DNAH9: variants seen among roughly 807,000 people sequenced by gnomAD.
DNAH9 encodes dynein axonemal heavy chain 9.
Under a neutral mutation model 471.6 loss-of-function variants are expected in DNAH9, and 345 were observed. The observed-to-expected ratio is 0.73, with a 90% CI of 0.67 to 0.80. The LOEUF is 0.80. DNAH9 is among the 30% of genes least tolerant of loss of function. The pLI is 0.00. For missense variants in DNAH9, 5,407 were observed against 5,609.2 expected (o/e 0.96, Z 1.15); for synonymous variants, 2,093 against 2,123.6 (o/e 0.99, Z 0.40).
intron 44 of DNAH9, among the ~76,000 whole-genome samples, chr17:11,808,390 T>C (rs1254187506): frequency 1.3e-5 from 2 of 152,084 alleles, no homozygotes; most frequent in African/African-American, 4.8e-5. Context: ...CCTTCAAAGG[T>C]CATTGTGTCC....
chr17:11,770,105 C>T (rs1968142308), intron 38 of DNAH9, among the ~76,000 whole-genome samples: 1 of 152,192 alleles, frequency 6.6e-6, no homozygotes, highest in African/African-American at 2.4e-5. Flanking sequence ...GGTGACACTG[C>T]AGTGCCTCCC....
intron 61 of DNAH9, among the ~76,000 whole-genome samples, chr17:11,908,869 G>A (rs1973693867): frequency 6.6e-6 from 1 of 152,174 alleles, no homozygotes; most frequent in Non-Finnish European, 1.5e-5. Flanking sequence ...ACCAGTGTCT[G>A]TCAAGATGGC....
intron 67 of DNAH9, among the ~76,000 whole-genome samples, chr17:11,953,547 C>T (rs1219696890): frequency 1.3e-5 from 2 of 152,118 alleles, no homozygotes; most frequent in African/African-American, 2.4e-5. Flanking sequence ...TGCGGTGGCT[C>T]ATGCCTGTAA....
intron 62 of DNAH9, 52 bp downstream of exon 62, chr17:11,923,993 C>A: frequency 6.3e-7 from 1 of 1,591,942 alleles, no homozygotes; most frequent in South Asian, 1.1e-5. Flanking sequence ...TTGCCTCATC[C>A]CACACTCACT....
At chr17:11,838,867 C>T (rs1717292550) in intron 49 of DNAH9, among the ~76,000 whole-genome samples, 1 of 152,202 alleles carries the variant, frequency 6.6e-6, no homozygotes, top group Admixed American at 6.5e-5. Flanking sequence ...CCCTTCTGCA[C>T]TCACAGGACT....
intron 23 of DNAH9, 134 bp from the exon 24 acceptor site, chr17:11,700,988 C>A (rs1032285302): frequency 5.7e-6 from 5 of 882,154 alleles, no homozygotes; most frequent in Non-Finnish European, 8.9e-6. Context: ...TCTGCACCTT[C>A]TGGCAGCCAC....
chr17:11,719,207 G>T (rs532628105), intron 26 of DNAH9, 127 bp from the exon 27 acceptor site: 3 of 890,586 alleles, frequency 3.4e-6, no homozygotes, highest in Non-Finnish European at 3.4e-6. Flanking sequence ...TGTGGGGAGC[G>T]GGAAAAAGGG....
intron 6 of DNAH9, among the ~76,000 whole-genome samples, chr17:11,625,193 C>T (rs1177189283): frequency 2.0e-5 from 3 of 152,114 alleles, no homozygotes; most frequent in Admixed American, 1.3e-4. Flanking sequence ...GCAGTAAGCA[C>T]CTTGGCGAGA....
At chr17:11,796,709 T>C (rs1969256034) in intron 42 of DNAH9, among the ~76,000 whole-genome samples, 1 of 152,214 alleles carries the variant, frequency 6.6e-6, no homozygotes, top group Admixed American at 6.5e-5. Flanking sequence ...CATAACTTCC[T>C]ATTTGTGTCT....
In DNAH9 at chr17:11,762,770, G is replaced by GTTTGTTTTTTTT. The variant is rs1193246497; in HGVS notation, c.6996-667_6996-666insGTTTTTTTTTTT. 5.2e-4 allele frequency among the ~76,000 whole-genome samples: 47 copies of GTTTGTTTTTTTT among 90,786 alleles called. 4 individuals are homozygous for GTTTGTTTTTTTT. Among genetic ancestry groups the GTTTGTTTTTTTT allele is most frequent in the South Asian group, 8.3e-4 (2 of 2,416 alleles). The allele number at this position is 90,786 out of a possible 152,430, so 59.6% of individuals were successfully genotyped here. ...CCTCTTTAGGTGCGTTTTTTTTTTT[G>GTTTGTTTTTTTT]TTTTTTTTTTTTTTTTTTTTTTTTT... On this transcript the variant is annotated intron_variant, in intron 35 of 68. Coordinates refer to ENST00000262442, the MANE Select transcript of DNAH9 (RefSeq NM_001372.4).
At chr17:11,737,860 C>A (rs1012058520) in intron 28 of DNAH9, among the ~76,000 whole-genome samples, 1 of 152,188 alleles carries the variant, frequency 6.6e-6, no homozygotes, top group Non-Finnish European at 1.5e-5. Flanking sequence ...TGGGGGATGG[C>A]TATGAGGAGT....
chr17:11,773,081 G>A (rs1238491456), intron 38 of DNAH9, among the ~76,000 whole-genome samples: 1 of 152,248 alleles, frequency 6.6e-6, no homozygotes, highest in Non-Finnish European at 1.5e-5. Context: ...TGGAGAATCA[G>A]CTGAATGTAA....
intron 31 of DNAH9, among the ~76,000 whole-genome samples, chr17:11,747,269 C>T (rs753229716): frequency 2.3e-4 from 35 of 152,184 alleles, no homozygotes; most frequent in Admixed American, 9.2e-4. Context: ...TTCTCCATCA[C>T]ACTATAAGAT....
rs114619119 is a variant in DNAH9 at position 11,890,222 on chromosome 17, C to T, written c.11113-1555C>T. Among the ~76,000 whole-genome samples, 759 of 152,186 alleles carry T rather than the reference C, an allele frequency of 5.0e-3. 7 individuals carry two copies. Among genetic ancestry groups the T allele is most frequent in the African/African-American group, 0.018 (731 of 41,536 alleles). Reference sequence around the variant, plus strand: ...AGCTCTCCACTCTGTCTCTATGAAACTGTTCTGGAATCTTCCCAAATTGCT... The same window carrying T: ...AGCTCTCCACTCTGTCTCTATGAAATTGTTCTGGAATCTTCCCAAATTGCT... On this transcript the variant is annotated intron_variant, in intron 57 of 68. Transcript: ENST00000262442.
intron 48 of DNAH9, among the ~76,000 whole-genome samples, chr17:11,825,451 A>G (rs1023413160): frequency 2.8e-4 from 43 of 152,298 alleles, no homozygotes; most frequent in Middle Eastern, 3.4e-3. Flanking sequence ...GGGATAGGAA[A>G]AATACTTTGA....
At chr17:11,840,238 C>T (rs1970985231) in intron 49 of DNAH9, among the ~76,000 whole-genome samples, 1 of 152,164 alleles carries the variant, frequency 6.6e-6, no homozygotes, top group Non-Finnish European at 1.5e-5. Flanking sequence ...AGACATTATG[C>T]TAAGTGAAAT....
At position 11,705,092 on chromosome 17, in the gene DNAH9, A is replaced by T; in HGVS notation, c.5459A>T (p.His1820Leu). 1 of 1,614,104 alleles carries T rather than the reference A, an allele frequency of 6.2e-7. No individual in the cohort carries two copies. The highest frequency in any genetic ancestry group is 8.5e-7 in the Non-Finnish European group (1 of 1,179,960). Residue 1820 changes from histidine to leucine, a missense_variant, in exon 26 of 69, where the codon CAC becomes CTC. By Grantham distance (99) the His-to-Leu change is moderately conservative (BLOSUM62 -3). Transcript: ENST00000262442. ...CATCGTTGGGATGACGAGGTCAAACACTGCTTTGCCAACATCTGTGATGCC... is the reference window on the plus strand; with the variant it reads ...CATCGTTGGGATGACGAGGTCAAACTCTGCTTTGCCAACATCTGTGATGCC... Reference protein sequence around the residue: ...LRHRWDDEVKHCFANICDAQF... With the variant: ...LRHRWDDEVKLCFANICDAQF...
intron 67 of DNAH9, among the ~76,000 whole-genome samples, chr17:11,944,618 C>T (rs766502975): frequency 1.3e-5 from 2 of 152,258 alleles, no homozygotes; most frequent in South Asian, 2.1e-4. Context: ...GGTCCCACTG[C>T]GAAATGGAAG....
chr17:11,933,828 G>A lies in DNAH9; in HGVS notation c.12298-52G>A, dbSNP rs115426362. Reference sequence around the variant, plus strand: ...GCCCAGATGGGAGGCCAGCCCCGACGCCTGTGTGGAGGTCTTTCTTCCTTC... The same window carrying A: ...GCCCAGATGGGAGGCCAGCCCCGACACCTGTGTGGAGGTCTTTCTTCCTTC... On this transcript the variant is annotated intron_variant, in intron 64 of 68. Coordinates refer to ENST00000262442, the MANE Select transcript of DNAH9 (RefSeq NM_001372.4). The A allele has an allele frequency of 6.5e-4, 1,013 of 1,546,886 alleles. 8 individuals are homozygous for A. The African/African-American group carries it at 0.013, about 19-fold the overall frequency.
Sources: gnomAD v4.1 joint callset for allele counts (sites outside exome capture counted in the v4.1 genomes callset) on GRCh38, gnomAD v4.1.1 for gene constraint, MANE v1.5 for transcripts, NCBI Gene and HGNC (gene_info 2026-07-23, HGNC 2026-07-21) for gene names.